The following FKBP8 variants were observed in gnomAD, a reference collection of about 807,000 sequenced individuals.
FKBP8 encodes peptidyl-prolyl cis-trans isomerase FKBP8.
Under a neutral mutation model 41.7 loss-of-function variants are expected in FKBP8, and 5 were observed. The observed-to-expected ratio is 0.12, with a 90% CI of 0.06 to 0.25. The LOEUF (loss-of-function observed/expected upper bound fraction) is 0.25. Ranked by LOEUF, FKBP8 falls within the 10% of genes least tolerant of loss-of-function variation. The pLI is 1.00. For missense variants in FKBP8, 397 were observed against 563.0 expected, an observed-to-expected ratio of 0.71 and a Z score of 2.98; for synonymous variants, 279 against 254.5, an observed-to-expected ratio of 1.10 and a Z score of -0.92.
rs1976712166 is a variant in FKBP8, at chr19:18,541,919, C to T, written c.52G>A (p.Val18Ile). ...ACCTCGAAGTCCTCGAGCGGTGGGA[C>T]CCCGGCGGGCAGTGGGGCAGAGGGC... ...SEPSAPLPAG[V>I]PPLEDFEVLD... is the part of the protein sequence containing the mutation. Residue 18 changes from valine (V) to isoleucine (I), a missense_variant, in exon 2 of 9, where the codon GTC becomes ATC. Transcript: ENST00000608443. 6.2e-7 allele frequency: 1 copy of T among 1,613,986 alleles called. No homozygotes were observed. The highest frequency in any genetic ancestry group is 1.3e-5 in the African/African-American group (1 of 74,936).
At chr19:18,541,571 C>T (rs1394863140) in intron 2 of FKBP8, 108 bp downstream of exon 2, 8 of 1,476,030 alleles carry the variant, frequency 5.4e-6, no homozygotes, top group African/African-American at 1.4e-5. Context: ...CTGGTGATCA[C>T]GGTGGTGACC....
chr19:18,533,169 G>A lies in FKBP8; in HGVS notation c.1023+101C>T, dbSNP rs1283517285. On this transcript the variant is annotated intron_variant, in intron 7 of 8. Transcript: ENST00000608443. ...GGTACCTACTCCGTGCCACTGCCCA[G>A]GTGGGAACACAACAGAGAGCCACAG... 16 of 1,169,982 alleles carry A rather than the reference G, an allele frequency of 1.4e-5. No homozygotes were observed. In the East Asian group the frequency reaches 4.2e-4, roughly 31 times the overall value. The allele number at this position is 1,169,982 out of a possible 1,614,324, so 72.5% of individuals were successfully genotyped here. A position where few individuals can be genotyped will look rare whatever the true frequency, so the allele number is the denominator to read the frequency against.
chr19:18,538,247 G>A lies in FKBP8; in HGVS notation c.741C>T (p.Leu247=), dbSNP rs370275226. 11 of 1,611,518 alleles carry A rather than the reference G, an allele frequency of 6.8e-6. No homozygotes were observed. The highest frequency in any genetic ancestry group is 2.2e-5 in the South Asian group (2 of 90,950). The change falls in exon 5 of 9, where the codon CTC becomes CTT. Residue 247 remains leucine (L), a synonymous_variant. Transcript: ENST00000608443. The surrounding 1 kb of genome is among the most constrained non-coding windows in gnomAD (Gnocchi z 4.0). ...DFVLAANSYD[L]AIKAITSSAK... The stretch of plus-strand genomic sequence containing the variant: ...CGCTGGAGGTGATAGCCTTGATGGC[G>A]AGGTCGTAGGAGTTGGCGGCCAGGA...
chr19:18,542,137 G>T, intron 1 of FKBP8, 142 bp from the exon 2 acceptor site: 3 of 1,259,064 alleles, frequency 2.4e-6, no homozygotes, highest in South Asian at 3.5e-5. Context: ...TACAGTGGGT[G>T]TAACAACAAC....
intron 8 of FKBP8, 193 bp downstream of exon 8, chr19:18,532,471 A>G: frequency 2.0e-6 from 2 of 983,932 alleles, no homozygotes; most frequent in Non-Finnish European, 3.0e-6. Context: ...GAGGCTCCAC[A>G]GTCCACCCCC....
At position 18,537,558 on chromosome 19, in the gene FKBP8, C is replaced by T. The variant is rs1343127559; in HGVS notation, c.945+43G>A. 1 of 1,542,528 alleles carries T rather than the reference C, an allele frequency of 6.5e-7. No homozygotes were observed. ...GCAGGGTTGGGGACCACCCCGTATA[C>T]CCCAGGCTGAGTGACCCGGCCTGGC... On this transcript the variant is annotated intron_variant, in intron 6 of 8. Coordinates refer to ENST00000608443, the MANE Select transcript of FKBP8 (RefSeq NM_012181.5). This position sits in a 1 kb window ranked among gnomAD's most constrained non-coding sequence, Gnocchi z 4.4.
intron 4 of FKBP8, 32 bp downstream of exon 4, chr19:18,539,339 C>A (rs1373686192): frequency 6.3e-7 from 1 of 1,585,314 alleles, no homozygotes; most frequent in South Asian, 1.1e-5. Context: ...CCTCCTGAGA[C>A]CTGCAGAGAC....
chr19:18,532,567 C>G, intron 8 of FKBP8, 97 bp downstream of exon 8: 3 of 1,527,302 alleles, frequency 2.0e-6, no homozygotes, highest in Non-Finnish European at 2.7e-6. Flanking sequence ...TCGCCCAGGA[C>G]GGCCCAGTCT....
In FKBP8 at chr19:18,533,446, C is replaced by G. The variant is rs2145183620; in HGVS notation, c.946-99G>C. On this transcript the variant is annotated intron_variant, in intron 6 of 8. Coordinates refer to ENST00000608443, the MANE Select transcript of FKBP8 (RefSeq NM_012181.5). ...GTTGCAGTGAGCCAAGATGGTGTCA[C>G]TGCACTCCAGCTTGAGCAACAGAGC... 6 of 776,828 alleles carry G rather than the reference C, an allele frequency of 7.7e-6. No homozygotes were observed. The South Asian group carries it at 1.1e-4, about 14-fold the overall frequency. 48.1% of individuals were successfully genotyped at this position (776,828 alleles called of 1,614,324 possible). A position where few individuals can be genotyped will look rare whatever the true frequency, so the allele number is the denominator to read the frequency against.
chr19:18,539,632 C>T lies in FKBP8; in HGVS notation c.381G>A (p.Leu127=). 6.2e-7 allele frequency: 1 copy of T among 1,612,940 alleles called. No homozygotes were observed. The highest frequency in any genetic ancestry group is 8.5e-7 in the Non-Finnish European group (1 of 1,180,028). The change falls in exon 3 of 9, where the codon CTG becomes CTA. Residue 127 remains leucine (L), a synonymous_variant. Coordinates refer to ENST00000608443, the MANE Select transcript of FKBP8 (RefSeq NM_012181.5). The stretch of plus-strand genomic sequence containing the variant: ...GTGTGCCATTCTCCAGCGACGTCTG[C>T]AGATGTACGGTGACCACCTGGCCCT... ...PVKGQVVTVH[L]QTSLENGTRV...
intron 8 of FKBP8, 180 bp downstream of exon 8, chr19:18,532,476 ACCCCCAGC>A: frequency 9.9e-7 from 1 of 1,009,272 alleles, no homozygotes. Flanking sequence ...TCCACAGTCC[ACCCCCAGC>A]CCTCCAGCTT....
intron 1 of FKBP8, chr19:18,542,227 AATT>A (rs1375844934): frequency 1.0e-5 from 5 of 500,806 alleles, no homozygotes; most frequent in Non-Finnish European, 1.7e-5. Context: ...TATTAGAGCT[AATT>A]ATTATTTAAT....
chr19:18,541,944 CTCAGAGGGT>C lies in FKBP8; in HGVS notation c.18_26del (p.Glu9_Ser11del). On this transcript the variant is annotated inframe_deletion, in exon 2 of 9. Transcript: ENST00000608443. ...CCCCGGCGGGCAGTGGGGCAGAGGG[CTCAGAGGGT>C]TCAGCACACGATGCCATGCTGCTGG... is the stretch of plus-strand genomic sequence containing the variant. The C allele has an allele frequency of 6.2e-7, 1 of 1,614,020 alleles. No homozygotes were observed. The highest frequency in any genetic ancestry group is 1.1e-5 in the South Asian group (1 of 91,080).
rs753036091 is a variant in FKBP8 at position 18,537,793 on chromosome 19, G to T, written c.773-20C>A. On this transcript the variant is annotated intron_variant, in intron 5 of 8. Transcript: ENST00000608443. The surrounding 1 kb of genome is among the most constrained non-coding windows in gnomAD (Gnocchi z 4.4). ...TGTCCACTATTGGGAGACAGTGCCC[G>T]CCACGGCAGCCGTCACCATGCCACC... 1.3e-6 allele frequency: 2 copies of T among 1,587,028 alleles called. No individual in the cohort carries two copies. The highest frequency in any genetic ancestry group is 1.3e-5 in the African/African-American group (1 of 74,574).
chr19:18,536,932 T>C (rs991475524), intron 6 of FKBP8, among the ~76,000 whole-genome samples: 1 of 151,868 alleles, frequency 6.6e-6, no homozygotes, highest in Non-Finnish European at 1.5e-5. Context: ...GTGGGAGAAG[T>C]GATAGCAGGA....
At chr19:18,535,021 G>A (rs954306161) in intron 6 of FKBP8, among the ~76,000 whole-genome samples, 1 of 152,054 alleles carries the variant, frequency 6.6e-6, no homozygotes, top group East Asian at 1.9e-4. Flanking sequence ...CTGACCTCAA[G>A]TGATCCACCT....
intron 6 of FKBP8, 128 bp from the exon 7 acceptor site, chr19:18,533,475 A>C: frequency 1.9e-6 from 1 of 525,434 alleles, no homozygotes; most frequent in Non-Finnish European, 3.2e-6. Flanking sequence ...ACAGAGCAAG[A>C]CTCCATCTCA....
chr19:18,535,608 C>A (rs1360062796), intron 6 of FKBP8, among the ~76,000 whole-genome samples: 8 of 151,194 alleles, frequency 5.3e-5, no homozygotes, highest in African/African-American at 1.9e-4. Flanking sequence ...CCCGTCTATA[C>A]TAAAAATACA....
At chr19:18,532,873 G>A in intron 7 of FKBP8, 78 bp from the exon 8 acceptor site, 2 of 1,568,576 alleles carry the variant, frequency 1.3e-6, no homozygotes, top group Non-Finnish European at 1.7e-6. Flanking sequence ...TGGGACCCTA[G>A]GCTGTTTGGG....
Sources: gnomAD v4.1 joint callset for allele counts (sites outside exome capture counted in the v4.1 genomes callset) on GRCh38, gnomAD v4.1.1 for gene constraint, Gnocchi (gnomAD v3.1) non-coding constraint, MANE v1.5 for transcripts, NCBI Gene and HGNC (gene_info 2026-07-23, HGNC 2026-07-21) for gene names.